Variants in CEP83 observed in about 807,000 individuals in gnomAD.
CEP83 encodes centrosomal protein of 83 kDa.
In CEP83, 70 loss-of-function variants were observed where a neutral mutation model predicts 101.9. The ratio of observed to expected loss-of-function variants is 0.69; its 90% CI spans 0.57 to 0.84. The LOEUF (loss-of-function observed/expected upper bound fraction) is 0.84, where lower values mean the gene tolerates loss of function less well. Ranked by LOEUF, CEP83 falls within the 40% of genes least tolerant of loss-of-function variation. The pLI is 0.00. For missense variants in CEP83, 715 were observed against 787.2 expected (o/e 0.91, Z 1.10); for synonymous variants, 264 against 267.9 (o/e 0.99, Z 0.14).
chr12:94,320,983 T>G (rs1276425847), intron 14 of CEP83, among the ~76,000 whole-genome samples: 2 of 152,240 alleles, frequency 1.3e-5, no homozygotes, highest in Admixed American at 1.3e-4. Flanking sequence ...GTTGTTTGCT[T>G]TCTCCCCAAC....
At chr12:94,421,121 C>T (rs1372376131) in intron 2 of CEP83, among the ~76,000 whole-genome samples, 1 of 152,048 alleles carries the variant, frequency 6.6e-6, no homozygotes, top group Non-Finnish European at 1.5e-5. Context: ...GCTTACTGCA[C>T]CATCAATCTC....
intron 6 of CEP83, among the ~76,000 whole-genome samples, chr12:94,397,695 G>A (rs2062989687): frequency 6.6e-6 from 1 of 152,124 alleles, no homozygotes; most frequent in African/African-American, 2.4e-5. Flanking sequence ...ATCATCATTA[G>A]ATTTTAAAAG....
the CEP83 span, chr12:94,282,968 G>A: frequency 6.5e-6 from 1 of 153,314 alleles, no homozygotes; most frequent in Non-Finnish European, 1.5e-5. Context: ...AGAGAAACCT[G>A]CACATAACAA....
At chr12:94,442,046 G>A (rs938684172) in intron 1 of CEP83, among the ~76,000 whole-genome samples, 2 of 151,598 alleles carry the variant, frequency 1.3e-5, no homozygotes, top group African/African-American at 2.4e-5. Context: ...GTTTATAGCA[G>A]CACATTTGCA....
At chr12:94,404,178 G>A (rs2137637469) in intron 4 of CEP83, among the ~76,000 whole-genome samples, 1 of 152,142 alleles carries the variant, frequency 6.6e-6, no homozygotes, top group East Asian at 1.9e-4. Context: ...AAACTCACAT[G>A]AAGCACATAT....
chr12:94,399,160 T>A (rs2137543417), intron 6 of CEP83, among the ~76,000 whole-genome samples: 1 of 152,334 alleles, frequency 6.6e-6, no homozygotes, highest in African/African-American at 2.4e-5. Context: ...TGTGACCTAC[T>A]CCCTGTTCTT....
At chr12:94,306,688 C>G (rs957181974), downstream of CEP83, 4 of 152,102 alleles carry the variant, frequency 2.6e-5, no homozygotes, top group African/African-American at 7.2e-5. Context: ...AATCATTTAC[C>G]AACACTGTAT....
intron 11 of CEP83, among the ~76,000 whole-genome samples, chr12:94,342,457 A>G (rs2059724290): frequency 6.6e-6 from 1 of 152,208 alleles, no homozygotes; most frequent in Admixed American, 6.5e-5. Context: ...TAACTGGCAG[A>G]CAGAAAATGC....
chr12:94,407,773 A>G (rs1593796109), intron 4 of CEP83, among the ~76,000 whole-genome samples: 1 of 152,150 alleles, frequency 6.6e-6, no homozygotes, highest in Non-Finnish European at 1.5e-5. Flanking sequence ...GATTTTTCCC[A>G]TCCCATTTTA....
intron 11 of CEP83, among the ~76,000 whole-genome samples, chr12:94,363,935 G>A (rs1488166543): frequency 1.4e-5 from 2 of 141,516 alleles, no homozygotes; most frequent in African/African-American, 2.7e-5. Flanking sequence ...GCAACAGAGT[G>A]AGACGCTGTC....
intron 4 of CEP83, among the ~76,000 whole-genome samples, chr12:94,405,088 T>G (rs2137653011): frequency 6.6e-6 from 1 of 152,298 alleles, no homozygotes. Context: ...TAATCTGGTT[T>G]ACGGTATCAA....
At chr12:94,276,034 T>A in the CEP83 span, among the ~76,000 whole-genome samples, 3 of 152,222 alleles carry the variant, frequency 2.0e-5, no homozygotes, top group African/African-American at 7.2e-5. Flanking sequence ...GTGGCAGATT[T>A]ACATTATTTT....
intron 11 of CEP83, among the ~76,000 whole-genome samples, chr12:94,349,154 T>A (rs2060084592): frequency 1.3e-5 from 2 of 151,426 alleles, no homozygotes; most frequent in Non-Finnish European, 3.0e-5. Context: ...GGTGTGGTGG[T>A]GGGTGCCTAT....
intron 6 of CEP83, among the ~76,000 whole-genome samples, chr12:94,390,505 C>A (rs1434377612): frequency 2.0e-5 from 3 of 151,956 alleles, no homozygotes; most frequent in African/African-American, 7.3e-5. Context: ...TAGATAAAAC[C>A]AAAAAGATGG....
At chr12:94,279,736 C>CTCCCTCCCTGT in the CEP83 span, 1 of 1,172,390 alleles carries the variant, frequency 8.5e-7, no homozygotes, top group Non-Finnish European at 1.3e-6. Flanking sequence ...CCTCCCTGCC[C>CTCCCTCCCTGT]CCACCAGCTT....
chr12:94,310,740 T>C (rs1454176900), intron 15 of CEP83, among the ~76,000 whole-genome samples: 1 of 152,200 alleles, frequency 6.6e-6, no homozygotes, highest in African/African-American at 2.4e-5. Context: ...GGATTGAAGC[T>C]TACAAAATTG....
chr12:94,431,966 A>T (rs1446344500), intron 2 of CEP83, among the ~76,000 whole-genome samples: 12 of 152,248 alleles, frequency 7.9e-5, no homozygotes, highest in Admixed American at 5.2e-4. Context: ...TCAGCATGTC[A>T]AAGGGATACC....
chr12:94,401,400 G>A (rs1044057382), intron 5 of CEP83: 11 of 152,272 alleles, frequency 7.2e-5, no homozygotes, highest in Admixed American at 5.2e-4. Context: ...GTAATATTTA[G>A]TACAGCATTT....
At chr12:94,369,784 T>C (rs1056354712) in intron 9 of CEP83, 138 bp downstream of exon 9, 2 of 567,754 alleles carry the variant, frequency 3.5e-6, no homozygotes, top group African/African-American at 3.8e-5. Flanking sequence ...ATAATAAACA[T>C]TTCATATGTA....
Sources: gnomAD v4.1 joint callset for allele counts (sites outside exome capture counted in the v4.1 genomes callset) on GRCh38, gnomAD v4.1.1 for gene constraint, MANE v1.5 for transcripts, NCBI Gene and HGNC (gene_info 2026-07-23, HGNC 2026-07-21) for gene names.